The following CDH13 variants were observed in gnomAD, a reference collection of about 807,000 sequenced individuals.
The protein encoded by CDH13 is cadherin-13.
A neutral mutation model predicts 63.8 loss-of-function variants in CDH13; 24 were observed. The ratio of observed to expected loss-of-function variants is 0.38; its 90% confidence interval spans 0.27 to 0.53. The LOEUF is 0.53. Ranked by LOEUF, CDH13 falls within the 20% of genes least tolerant of loss-of-function variation. The pLI is 0.85. For synonymous variants in CDH13, 503 were observed against 355.3 expected (o/e 1.42, Z -4.67); for missense variants, 1,049 against 903.1 (o/e 1.16, Z -2.07).
intron 2 of CDH13, among the ~76,000 whole-genome samples, chr16:83,030,706 C>T (rs1350147960): frequency 6.8e-6 from 1 of 147,732 alleles, no homozygotes; most frequent in South Asian, 2.2e-4. Flanking sequence ...TTGAGAAGCA[C>T]TCCTCTTCAC....
At chr16:83,573,741 C>T (rs777298343) in intron 7 of CDH13, among the ~76,000 whole-genome samples, 1 of 152,102 alleles carries the variant, frequency 6.6e-6, no homozygotes, top group East Asian at 1.9e-4. Context: ...TTCTTATCAC[C>T]CAGTAGATTC....
intron 1 of CDH13, among the ~76,000 whole-genome samples, chr16:82,672,058 C>G (rs1304931942): frequency 6.6e-6 from 1 of 152,190 alleles, no homozygotes; most frequent in East Asian, 1.9e-4. Context: ...TACACTCTCT[C>G]TCTTGCTTTT....
chr16:83,053,034 A>G (rs2030548018), intron 3 of CDH13, among the ~76,000 whole-genome samples: 1 of 152,136 alleles, frequency 6.6e-6, no homozygotes, highest in Admixed American at 6.6e-5. Flanking sequence ...CGAAGGCCTA[A>G]CTTTTTCTGT....
At chr16:83,019,681 A>G (rs560327433) in intron 2 of CDH13, among the ~76,000 whole-genome samples, 1 of 151,386 alleles carries the variant, frequency 6.6e-6, no homozygotes, top group Non-Finnish European at 1.5e-5. Flanking sequence ...TGTTTTGTAG[A>G]TATGGAGTCT....
At chr16:82,969,824 C>T (rs796817735) in intron 2 of CDH13, among the ~76,000 whole-genome samples, 90 of 152,298 alleles carry the variant, frequency 5.9e-4, no homozygotes, top group African/African-American at 2.0e-3. Context: ...CAGCCAAAAA[C>T]AAGATGGCTA....
At chr16:82,961,470 G>C (rs1009007464) in intron 2 of CDH13, among the ~76,000 whole-genome samples, 2 of 150,018 alleles carry the variant, frequency 1.3e-5, no homozygotes, top group Non-Finnish European at 3.0e-5. Context: ...ATTTGTGAAA[G>C]AGTTGAAATG....
chr16:83,018,410 G>A (rs1301262597), intron 2 of CDH13, among the ~76,000 whole-genome samples: 4 of 152,144 alleles, frequency 2.6e-5, no homozygotes, highest in African/African-American at 9.7e-5. Flanking sequence ...ATGGGTTAAT[G>A]GATGAGTATG....
chr16:83,394,339 C>T (rs2091844441), intron 6 of CDH13, among the ~76,000 whole-genome samples: 1 of 151,782 alleles, frequency 6.6e-6, no homozygotes, highest in African/African-American at 2.4e-5. Flanking sequence ...AGCTGCTTGT[C>T]TGGGAAAGCA....
chr16:83,153,493 G>A (rs952402832), intron 4 of CDH13, among the ~76,000 whole-genome samples: 2 of 152,158 alleles, frequency 1.3e-5, no homozygotes, highest in Non-Finnish European at 2.9e-5. Context: ...AGGCAAGAAA[G>A]AGGTTTGTTT....
At chr16:83,305,442 G>T (rs934948062) in intron 5 of CDH13, among the ~76,000 whole-genome samples, 1 of 152,244 alleles carries the variant, frequency 6.6e-6, no homozygotes, top group Non-Finnish European at 1.5e-5. Flanking sequence ...CGTGTAGCCA[G>T]TATGTCCTGA....
chr16:82,676,392 TTC>T (rs1312571927), intron 1 of CDH13, among the ~76,000 whole-genome samples: 2 of 152,122 alleles, frequency 1.3e-5, no homozygotes, highest in African/African-American at 4.8e-5. Flanking sequence ...TCAATTAAAA[TTC>T]TGTTGATTTT....
chr16:82,639,416 A>G (rs1468067158), intron 1 of CDH13: 7 of 1,535,468 alleles, frequency 4.6e-6, no homozygotes, highest in Non-Finnish European at 6.1e-6. Context: ...CCCAGTGAGA[A>G]TGGCCCACAG....
intron 8 of CDH13, among the ~76,000 whole-genome samples, chr16:83,662,135 C>T (rs1037697897): frequency 6.6e-6 from 1 of 152,190 alleles, no homozygotes; most frequent in African/African-American, 2.4e-5. Flanking sequence ...GGAGAGGACT[C>T]TTCACTCAGG....
chr16:82,813,304 T>G (rs899399722), intron 1 of CDH13, among the ~76,000 whole-genome samples: 4 of 152,128 alleles, frequency 2.6e-5, no homozygotes, highest in Admixed American at 2.0e-4. Flanking sequence ...GTTTAGGGCT[T>G]CAGAGCTGCA....
intron 8 of CDH13, among the ~76,000 whole-genome samples, chr16:83,655,944 C>G (rs1011200370): frequency 6.6e-6 from 1 of 152,158 alleles, no homozygotes; most frequent in Non-Finnish European, 1.5e-5. Flanking sequence ...GATGGCTCCA[C>G]CAAGGTTGGT....
intron 10 of CDH13, among the ~76,000 whole-genome samples, chr16:83,738,033 G>C (rs755477554): frequency 2.0e-5 from 3 of 152,218 alleles, no homozygotes; most frequent in Non-Finnish European, 2.9e-5. Context: ...ATCAATGAAT[G>C]TGCGCTTCCA....
chr16:83,535,468 C>T (rs1301919869), intron 7 of CDH13, among the ~76,000 whole-genome samples: 1 of 152,158 alleles, frequency 6.6e-6, no homozygotes, highest in African/African-American at 2.4e-5. Flanking sequence ...TGAGAGGTGG[C>T]CAAGGCAAAG....
At chr16:83,191,271 T>C (rs547505704) in intron 4 of CDH13, among the ~76,000 whole-genome samples, 33 of 145,686 alleles carry the variant, frequency 2.3e-4, no homozygotes, top group African/African-American at 8.4e-4. Flanking sequence ...AAATCACAAG[T>C]GTTAATAGTT....
intron 4 of CDH13, among the ~76,000 whole-genome samples, chr16:83,199,354 C>A (rs1237946253): frequency 6.6e-6 from 1 of 152,202 alleles, no homozygotes; most frequent in Non-Finnish European, 1.5e-5. Flanking sequence ...ACTTTGTTAT[C>A]CAGGAGTTGG....
Sources: gnomAD v4.1 joint callset for allele counts (sites outside exome capture counted in the v4.1 genomes callset) on GRCh38, gnomAD v4.1.1 for gene constraint, MANE v1.5 for transcripts, NCBI Gene and HGNC (gene_info 2026-07-23, HGNC 2026-07-21) for gene names.